Variants in ZNF431 observed in about 807,000 individuals in gnomAD.
The protein encoded by ZNF431 is zinc finger protein 431.
In ZNF431, 34 loss-of-function variants were observed where a neutral mutation model predicts 57.0. The ratio of observed to expected loss-of-function variants is 0.60; its 90% CI spans 0.45 to 0.79. ZNF431 has a LOEUF of 0.79. ZNF431 is among the 30% of genes least tolerant of loss of function. The probability of loss-of-function intolerance (pLI) is 0.00; values close to 1 mark genes in which losing one functional copy is unlikely to be tolerated. For missense variants in ZNF431, 607 were observed against 667.1 expected (o/e 0.91, Z 0.99); for synonymous variants, 207 against 220.3 (o/e 0.94, Z 0.54).
intron 2 of ZNF431, among the ~76,000 whole-genome samples, chr19:21,162,340 A>C (rs764228201): frequency 2.6e-5 from 4 of 151,934 alleles, no homozygotes; most frequent in Non-Finnish European, 5.9e-5. Flanking sequence ...TGCCCATCTA[A>C]TTTTTGTATA....
intron 4 of ZNF431, 103 bp downstream of exon 4, chr19:21,167,769 T>A: frequency 1.4e-6 from 1 of 734,528 alleles, no homozygotes; most frequent in Non-Finnish European, 2.0e-6. Flanking sequence ...AGCTGTGTTA[T>A]AAAGCATGTA....
intron 4 of ZNF431, among the ~76,000 whole-genome samples, chr19:21,172,204 A>G (rs1970917524): frequency 6.6e-6 from 1 of 151,574 alleles, no homozygotes; most frequent in East Asian, 2.0e-4. Context: ...AGAGGCAGGC[A>G]GATCACTTAG....
intron 4 of ZNF431, among the ~76,000 whole-genome samples, chr19:21,177,285 A>T (rs986490164): frequency 1.3e-5 from 2 of 152,160 alleles, no homozygotes; most frequent in African/African-American, 4.8e-5. Context: ...TTAAAAGGGA[A>T]TCCTTTTCCA....
At position 21,194,387 on chromosome 19, in the gene ZNF431, G is replaced by A. The variant is rs1599634537; in HGVS notation, c.*10353G>A. 1.3e-5 allele frequency: 2 copies of A among 152,050 alleles called. No homozygotes were observed. The highest frequency in any genetic ancestry group is 3.9e-4 in the East Asian group (2 of 5,182). 9.4% of individuals were successfully genotyped at this position (152,050 alleles called of 1,614,324 possible). On this transcript the variant is annotated 3_prime_UTR_variant, in exon 5 of 5. Coordinates refer to ENST00000311048, the MANE Select transcript of ZNF431 (RefSeq NM_133473.4). ...AAATAAAAAAGCTTTCTATGCTCAT[G>A]GATTTGAAGAATGAATAGAAAATGT...
intron 2 of ZNF431, among the ~76,000 whole-genome samples, chr19:21,149,156 T>C (rs1034213102): frequency 3.9e-5 from 6 of 152,226 alleles, no homozygotes; most frequent in East Asian, 3.8e-4. Context: ...AAAGTCTCTT[T>C]TCTTTATAAC....
In ZNF431 at chr19:21,183,536, G is replaced by A. The variant is rs766773728; in HGVS notation, c.1233G>A (p.Glu411=). ...KCEVCGKAFN[E]SSNLTTHKMI... is the part of the protein sequence containing the mutation. ...AAGTGTGTGGCAAAGCCTTTAATGA[G>A]TCCTCAAACCTTACTACACATAAGA... The change falls in exon 5 of 5, where the codon GAG becomes GAA. Residue 411 remains glutamate, a synonymous_variant. Coordinates refer to ENST00000311048, the MANE Select transcript of ZNF431 (RefSeq NM_133473.4). The A allele has an allele frequency of 4.4e-5, 71 of 1,612,608 alleles. No homozygotes were observed. The highest frequency in any genetic ancestry group is 5.3e-5 in the Non-Finnish European group (63 of 1,179,792).
rs1970755005 is a variant in ZNF431, at chr19:21,167,488, A to G, written c.224-83A>G. 8.6e-6 allele frequency: 9 copies of G among 1,049,254 alleles called. No homozygotes were observed. The Admixed American group carries it at 2.7e-4, about 31-fold the overall frequency. The allele number at this position is 1,049,254 out of a possible 1,614,324, so 65.0% of individuals were successfully genotyped here. A position where few individuals can be genotyped will look rare whatever the true frequency, so the allele number is the denominator to read the frequency against. On this transcript the variant is annotated intron_variant, in intron 3 of 4. Transcript: ENST00000311048. ...GATTAATTTTCTAAAATATTCTATC[A>G]CATCCTTTTTACTGAGCACAGTACT... is the stretch of plus-strand genomic sequence containing the variant.
intron 2 of ZNF431, among the ~76,000 whole-genome samples, chr19:21,163,936 C>T (rs191464911): frequency 2.0e-4 from 30 of 151,400 alleles, no homozygotes; most frequent in Non-Finnish European, 3.8e-4. Flanking sequence ...CAAAAATTAG[C>T]TGGGTGTGGT....
intron 2 of ZNF431, among the ~76,000 whole-genome samples, chr19:21,161,088 A>AACC (rs1970553953): frequency 6.6e-6 from 1 of 152,116 alleles, no homozygotes; most frequent in South Asian, 2.1e-4. Context: ...GAATCTCTTG[A>AACC]ACCTGGGAGG....
Position 21,190,122 on chromosome 19 carries a change from T to A in ZNF431, c.*6088T>A. ...ATGCAGAGGTTGCAGTGAACTGAGATCATGCCACTGCACTCCATCCTGGGC... is the reference window on the plus strand; with the variant it reads ...ATGCAGAGGTTGCAGTGAACTGAGAACATGCCACTGCACTCCATCCTGGGC... On this transcript the variant is annotated 3_prime_UTR_variant, in exon 5 of 5. Coordinates refer to ENST00000311048, the MANE Select transcript of ZNF431 (RefSeq NM_133473.4). 1 of 371,202 alleles carries A rather than the reference T, an allele frequency of 2.7e-6. No individual in the cohort carries two copies. The highest frequency in any genetic ancestry group is 3.9e-5 in the East Asian group (1 of 25,758). The allele number at this position is 371,202 out of a possible 1,614,324, so 23.0% of individuals were successfully genotyped here. A position where few individuals can be genotyped will look rare whatever the true frequency, so the allele number is the denominator to read the frequency against.
intron 2 of ZNF431, among the ~76,000 whole-genome samples, chr19:21,161,303 A>G (rs564113969): frequency 6.6e-6 from 1 of 152,296 alleles, no homozygotes; most frequent in East Asian, 1.9e-4. Flanking sequence ...TGTACAAAAA[A>G]ACTTGAGCTT....
At chr19:21,148,537 C>A (rs1316534174) in intron 2 of ZNF431, among the ~76,000 whole-genome samples, 4 of 152,190 alleles carry the variant, frequency 2.6e-5, no homozygotes, top group Non-Finnish European at 5.9e-5. Context: ...AAATCTTCCA[C>A]AATTTGTTTA....
chr19:21,145,162 T>C (rs1970047148), intron 2 of ZNF431, among the ~76,000 whole-genome samples: 1 of 152,064 alleles, frequency 6.6e-6, no homozygotes, highest in Non-Finnish European at 1.5e-5. Flanking sequence ...CTAAGGCTAA[T>C]ATTGAGCCTA....
In ZNF431 at chr19:21,183,610, C is replaced by T. The variant is rs1179719755; in HGVS notation, c.1307C>T (p.Ala436Val). 4.3e-6 allele frequency: 7 copies of T among 1,613,168 alleles called. No individual in the cohort carries two copies. Among genetic ancestry groups the T allele is most frequent in the East Asian group, 2.2e-5 (1 of 44,834 alleles). The change falls in exon 5 of 5, where the codon GCT becomes GTT. Residue 436 changes from alanine (A) to valine (V), a missense_variant. Ala to Val is a moderately conservative substitution (Grantham distance 64). Coordinates refer to ENST00000311048, the MANE Select transcript of ZNF431 (RefSeq NM_133473.4). ...KPYKCEECGK[A>V]FNRSPQLTAH... ...TACAAATGTGAAGAATGTGGCAAAG[C>T]TTTTAACCGGTCCCCACAACTTACT...
At position 21,183,308 on chromosome 19, in the gene ZNF431, GTTCA is replaced by G; in HGVS notation, c.1011_1014del (p.Ile337MetfsTer27). 6.2e-7 allele frequency: 1 copy of G among 1,613,858 alleles called. No individual in the cohort carries two copies. ...AGTCTTCAACCCTTAGTACACATAA[GTTCA>G]TTCATGCTGGAGAGAAACCCTACAA... On this transcript the variant is annotated frameshift_variant, in exon 5 of 5. Transcript: ENST00000311048. LOFTEE classifies it high-confidence loss of function.
At chr19:21,156,273 G>C (rs934018427) in intron 2 of ZNF431, among the ~76,000 whole-genome samples, 3 of 152,276 alleles carry the variant, frequency 2.0e-5, no homozygotes, top group East Asian at 1.9e-4. Context: ...CAGGCACACA[G>C]AAATAAATCA....
In ZNF431 at chr19:21,184,759, A is replaced by AC. The variant is rs11411736; in HGVS notation, c.*726dup. 1 allele frequency: 152,918 copies of AC among 152,922 alleles called. 76,457 individuals carry two copies. The highest frequency in any genetic ancestry group is 1 in the Middle Eastern group (294 of 294). The allele number at this position is 152,922 out of a possible 1,614,324, so 9.5% of individuals were successfully genotyped here. On this transcript the variant is annotated 3_prime_UTR_variant, in exon 5 of 5. Transcript: ENST00000311048. ...ATTATCTGCTCACATTTTACTCAAC[A>AC]CAGAGAGTTCCTGCTTAATAAAAGC...
intron 2 of ZNF431, among the ~76,000 whole-genome samples, chr19:21,144,412 C>T (rs777705876): frequency 2.6e-5 from 4 of 152,044 alleles, no homozygotes; most frequent in Non-Finnish European, 5.9e-5. Flanking sequence ...TCATGTTGGC[C>T]AGGCTGGTCT....
At chr19:21,149,121 T>C (rs1173379476) in intron 2 of ZNF431, among the ~76,000 whole-genome samples, 1 of 152,232 alleles carries the variant, frequency 6.6e-6, no homozygotes, top group African/African-American at 2.4e-5. Context: ...GATAAGAATT[T>C]ACTATACAAC....
Sources: gnomAD v4.1 joint callset for allele counts (sites outside exome capture counted in the v4.1 genomes callset) on GRCh38, gnomAD v4.1.1 for gene constraint, MANE v1.5 for transcripts, NCBI Gene and HGNC (gene_info 2026-07-23, HGNC 2026-07-21) for gene names.